The following PXDNL variants were observed in gnomAD, a reference collection of about 807,000 sequenced individuals.
The protein encoded by PXDNL is probable oxidoreductase PXDNL.
PXDNL carries 145 observed loss-of-function variants against 150.8 expected under a neutral mutation model. The observed-to-expected ratio is 0.96, with a 90% CI of 0.84 to 1.10. PXDNL has a LOEUF of 1.10. PXDNL is among the 50% of genes least tolerant of loss of function. The pLI, the probability that PXDNL is intolerant of heterozygous loss-of-function variation, is 0.00. For missense variants in PXDNL, 2,087 were observed against 1,873.9 expected (o/e 1.11, Z -2.10); for synonymous variants, 757 against 725.7 (o/e 1.04, Z -0.69).
intron 4 of PXDNL, among the ~76,000 whole-genome samples, chr8:51,555,315 T>TAAC (rs1027809637): frequency 5.3e-5 from 8 of 152,134 alleles, no homozygotes; most frequent in African/African-American, 1.9e-4. Flanking sequence ...ACTTCCACAA[T>TAAC]AACAACATTA....
At chr8:51,483,556 C>G in intron 6 of PXDNL, 87 bp downstream of exon 6, 2 of 807,488 alleles carry the variant, frequency 2.5e-6, no homozygotes, top group Non-Finnish European at 4.1e-6. Context: ...ACAGGAAAAG[C>G]AGGAGAAGGC....
chr8:51,499,033 A>G (rs1170892297), intron 5 of PXDNL, among the ~76,000 whole-genome samples: 3 of 152,162 alleles, frequency 2.0e-5, no homozygotes, highest in African/African-American at 4.8e-5. Context: ...TGGTGCGTAC[A>G]TATGTGAATT....
chr8:51,683,225 C>T (rs1426793797), intron 1 of PXDNL, among the ~76,000 whole-genome samples: 27 of 108,182 alleles, frequency 2.5e-4, no homozygotes, highest in South Asian at 6.8e-4. Flanking sequence ...CACATCAAAG[C>T]CACAGTGAGG....
chr8:51,702,516 A>G (rs1816277059), intron 1 of PXDNL, among the ~76,000 whole-genome samples: 1 of 152,152 alleles, frequency 6.6e-6, no homozygotes, highest in Admixed American at 6.5e-5. Context: ...ATCAACTAAC[A>G]CGCTCCCTTT....
At chr8:51,783,174 G>A (rs1279170135) in intron 1 of PXDNL, among the ~76,000 whole-genome samples, 1 of 152,190 alleles carries the variant, frequency 6.6e-6, no homozygotes, top group South Asian at 2.1e-4. Context: ...TTTTGCTACA[G>A]GATAAATTGC....
intron 2 of PXDNL, among the ~76,000 whole-genome samples, chr8:51,618,308 C>A (rs1022773328): frequency 3.9e-5 from 6 of 152,228 alleles, no homozygotes; most frequent in Non-Finnish European, 8.8e-5. Context: ...GGAGAAAGTT[C>A]TTTTCCTTGG....
chr8:51,374,543 T>A (rs1235966753), intron 18 of PXDNL, 54 bp downstream of exon 18: 7 of 1,571,846 alleles, frequency 4.5e-6, no homozygotes, highest in African/African-American at 1.4e-5. Context: ...ATATACATTT[T>A]GGGTCAAAAA....
intron 1 of PXDNL, among the ~76,000 whole-genome samples, chr8:51,719,652 A>C (rs932849058): frequency 3.9e-5 from 6 of 152,130 alleles, no homozygotes; most frequent in Non-Finnish European, 1.5e-5. Flanking sequence ...AAAAAAAAAA[A>C]AAACTATTTC....
intron 2 of PXDNL, among the ~76,000 whole-genome samples, chr8:51,630,345 T>C (rs1814464230): frequency 6.6e-6 from 1 of 152,142 alleles, no homozygotes; most frequent in South Asian, 2.1e-4. Flanking sequence ...TAAGATAACC[T>C]AGAAAATATG....
intron 3 of PXDNL, among the ~76,000 whole-genome samples, chr8:51,576,454 T>TA (rs925559259): frequency 1.1e-4 from 17 of 150,076 alleles, no homozygotes; most frequent in South Asian, 4.2e-4. Context: ...TGAAAAGAGC[T>TA]AAAAAAAAAT....
At chr8:51,443,968 T>A (rs1430905771) in intron 12 of PXDNL, among the ~76,000 whole-genome samples, 2 of 152,200 alleles carry the variant, frequency 1.3e-5, no homozygotes, top group African/African-American at 2.4e-5. Context: ...GCCATGTTGG[T>A]GTGCTGCACC....
intron 5 of PXDNL, among the ~76,000 whole-genome samples, chr8:51,499,092 T>C (rs1811121921): frequency 1.3e-5 from 2 of 152,156 alleles, no homozygotes; most frequent in Admixed American, 6.6e-5. Flanking sequence ...TTAGGGGATG[T>C]ATATGTTCAA....
chr8:51,421,698 C>CA (rs1005600892), intron 14 of PXDNL, among the ~76,000 whole-genome samples: 13 of 151,530 alleles, frequency 8.6e-5, no homozygotes, highest in Middle Eastern at 3.4e-3. Context: ...GACTCCGTCT[C>CA]AAAAAAAATA....
intron 1 of PXDNL, among the ~76,000 whole-genome samples, chr8:51,797,162 T>C (rs544121059): frequency 2.0e-5 from 3 of 152,118 alleles, no homozygotes; most frequent in Non-Finnish European, 4.4e-5. Flanking sequence ...TTGGTATTGA[T>C]AGAACATACC....
At chr8:51,645,189 G>T (rs1215419392) in intron 2 of PXDNL, among the ~76,000 whole-genome samples, 1 of 152,086 alleles carries the variant, frequency 6.6e-6, no homozygotes, top group East Asian at 1.9e-4. Flanking sequence ...TTCAGGCAGA[G>T]TGCAAATTCC....
chr8:51,670,089 A>G lies in PXDNL; in HGVS notation c.165-15329T>C, dbSNP rs1022820760. Among the ~76,000 whole-genome samples the G allele has an allele frequency of 7.9e-5, 12 of 152,038 alleles. No individual in the cohort carries two copies. In the East Asian group the frequency reaches 2.3e-3, roughly 29 times the overall value. ...CCATCTCTACTAAAAATACAAAAAT[A>G]TAGCCGGTTGTGGTGGTGCATGCCT... On this transcript the variant is annotated intron_variant, in intron 1 of 22. Coordinates refer to ENST00000356297, the MANE Select transcript of PXDNL (RefSeq NM_144651.5).
rs773181050 is a variant in PXDNL at position 51,513,686 on chromosome 8, G to A, written c.381-13916C>T. On this transcript the variant is annotated intron_variant, in intron 4 of 22. Coordinates refer to ENST00000356297, the MANE Select transcript of PXDNL (RefSeq NM_144651.5). ...ACTATAGATTAGTATTGGCATGCAT[G>A]CATGCCTTCCTCCTTTATTCTAAAT... Among the ~76,000 whole-genome samples the A allele has an allele frequency of 2.6e-5, 4 of 152,318 alleles. No individual in the cohort carries two copies. In the South Asian group the frequency reaches 8.3e-4, roughly 32 times the overall value.
chr8:51,747,452 G>T (rs534709963), intron 1 of PXDNL, among the ~76,000 whole-genome samples: 2 of 152,344 alleles, frequency 1.3e-5, no homozygotes, highest in East Asian at 3.9e-4. Flanking sequence ...ACTCACAGTG[G>T]AGAATTACAA....
chr8:51,421,560 C>T (rs1372965518), intron 14 of PXDNL, among the ~76,000 whole-genome samples: 5 of 151,950 alleles, frequency 3.3e-5, no homozygotes, highest in East Asian at 1.9e-4. Flanking sequence ...ATTAGCCTGG[C>T]GTGTGATAGG....
Sources: gnomAD v4.1 joint callset for allele counts (sites outside exome capture counted in the v4.1 genomes callset) on GRCh38, gnomAD v4.1.1 for gene constraint, MANE v1.5 for transcripts, NCBI Gene and HGNC (gene_info 2026-07-23, HGNC 2026-07-21) for gene names.